Variants in EYS observed in about 807,000 individuals in gnomAD.
EYS encodes the protein protein eyes shut homolog.
A neutral mutation model predicts 282.1 loss-of-function variants in EYS; 250 were observed. That is an observed-to-expected ratio of 0.89 (90% CI 0.80 to 0.98). EYS has a LOEUF of 0.98. Ranked by LOEUF, EYS falls within the 50% of genes least tolerant of loss-of-function variation. The pLI is 0.00. For synonymous variants in EYS, 1,355 were observed against 1,282.9 expected (o/e 1.06, Z -1.20); for missense variants, 4,016 against 3,709.0 (o/e 1.08, Z -2.15).
At chr6:64,091,162 G>T (rs1040839080) in intron 31 of EYS, among the ~76,000 whole-genome samples, 1 of 152,086 alleles carries the variant, frequency 6.6e-6, no homozygotes, top group Non-Finnish European at 1.5e-5. Flanking sequence ...ATACATTAAT[G>T]ATTCCATTAA....
chr6:63,749,955 A>G (rs1385563708), intron 41 of EYS, among the ~76,000 whole-genome samples: 3 of 152,132 alleles, frequency 2.0e-5, no homozygotes, highest in Non-Finnish European at 4.4e-5. Context: ...CTGGTTGGCC[A>G]TCTTGCCCAA....
intron 12 of EYS, among the ~76,000 whole-genome samples, chr6:65,144,817 T>C (rs1322949524): frequency 6.6e-6 from 1 of 151,572 alleles, no homozygotes; most frequent in African/African-American, 2.4e-5. Flanking sequence ...CTGGATGGAG[T>C]GCAGTGGTGC....
intron 1 of EYS, among the ~76,000 whole-genome samples, chr6:65,702,205 CT>C (rs1330008051): frequency 7.2e-6 from 1 of 138,294 alleles, no homozygotes; most frequent in Admixed American, 6.9e-5. Flanking sequence ...ATAAAAGAAT[CT>C]TTTTTTCTCA....
At chr6:64,585,282 A>G (rs1449565620) in intron 26 of EYS, among the ~76,000 whole-genome samples, 1 of 152,110 alleles carries the variant, frequency 6.6e-6, no homozygotes, top group African/African-American at 2.4e-5. Context: ...ACCTATGGAC[A>G]TAAACATAGG....
chr6:65,482,348 C>T (rs1765638586), intron 5 of EYS, among the ~76,000 whole-genome samples: 1 of 152,098 alleles, frequency 6.6e-6, no homozygotes, highest in South Asian at 2.1e-4. Flanking sequence ...TGCTTATCAG[C>T]TCATGTGACT....
At chr6:65,006,943 G>A (rs1052191766) in intron 13 of EYS, among the ~76,000 whole-genome samples, 5 of 152,170 alleles carry the variant, frequency 3.3e-5, no homozygotes, top group African/African-American at 1.2e-4. Context: ...CATAAGAACT[G>A]TTGTTTACAA....
intron 31 of EYS, among the ~76,000 whole-genome samples, chr6:64,195,638 T>C (rs1174059238): frequency 6.6e-6 from 1 of 152,208 alleles, no homozygotes; most frequent in African/African-American, 2.4e-5. Flanking sequence ...TATTTGTCTT[T>C]TTCATTCTAT....
intron 7 of EYS, among the ~76,000 whole-genome samples, chr6:65,400,485 A>T (rs1012919493): frequency 5.9e-5 from 9 of 151,722 alleles, no homozygotes; most frequent in African/African-American, 1.5e-4. Context: ...GATACTTTAC[A>T]ACTCCTTCTG....
intron 35 of EYS, among the ~76,000 whole-genome samples, chr6:63,893,466 C>A (rs1183804339): frequency 6.6e-6 from 1 of 152,090 alleles, no homozygotes; most frequent in African/African-American, 2.4e-5. Context: ...TCTTAGCAAA[C>A]TAACACAGGA....
intron 40 of EYS, among the ~76,000 whole-genome samples, chr6:63,777,374 C>T (rs1770091448): frequency 6.6e-6 from 1 of 152,092 alleles, no homozygotes; most frequent in African/African-American, 2.4e-5. Context: ...TGACAAATCT[C>T]TCTTTAGCTG....
chr6:64,453,939 T>A (rs1466539265), intron 26 of EYS, among the ~76,000 whole-genome samples: 30 of 152,064 alleles, frequency 2.0e-4, no homozygotes, highest in African/African-American at 7.2e-4. Context: ...GCACACCAAC[T>A]TGGCACATAT....
chr6:64,160,496 A>C (rs190763391), intron 31 of EYS, among the ~76,000 whole-genome samples: 112 of 152,342 alleles, frequency 7.4e-4, no homozygotes, highest in Non-Finnish European at 1.4e-3. Context: ...CTTTGTGCAT[A>C]AATCTAGCCT....
chr6:65,477,759 T>C (rs944414282), intron 5 of EYS, among the ~76,000 whole-genome samples: 2 of 152,176 alleles, frequency 1.3e-5, no homozygotes, highest in African/African-American at 4.8e-5. Context: ...TGGCCATTTG[T>C]AGCAAATCAT....
chr6:64,385,370 AT>A (rs1439604113), intron 29 of EYS, among the ~76,000 whole-genome samples: 1 of 152,222 alleles, frequency 6.6e-6, no homozygotes, highest in African/African-American at 2.4e-5. Context: ...ATAAAAAAGA[AT>A]AAAAAATCAA....
chr6:64,139,501 T>C (rs1247831098), intron 31 of EYS, among the ~76,000 whole-genome samples: 2 of 152,172 alleles, frequency 1.3e-5, no homozygotes, highest in Admixed American at 1.3e-4. Context: ...TAGTAAGTTA[T>C]AGTCAGAAAG....
chr6:64,453,450 G>A (rs1483274424), intron 26 of EYS, among the ~76,000 whole-genome samples: 5 of 152,136 alleles, frequency 3.3e-5, no homozygotes, highest in Non-Finnish European at 5.9e-5. Context: ...TCAGTGTGGC[G>A]ATTCCTCAGG....
chr6:64,142,391 C>G (rs1774365950), intron 31 of EYS, among the ~76,000 whole-genome samples: 1 of 151,898 alleles, frequency 6.6e-6, no homozygotes, highest in Non-Finnish European at 1.5e-5. Flanking sequence ...AAAAGTGCTA[C>G]AAGACCAGCC....
rs140812799 is a variant in EYS at position 65,511,296 on chromosome 6, G to T, written c.-332-15303C>A. 5.7e-3 allele frequency among the ~76,000 whole-genome samples: 866 copies of T among 151,980 alleles called. 14 individuals carry two copies. Among genetic ancestry groups the T allele is most frequent in the African/African-American group, 0.02 (821 of 41,452 alleles). On this transcript the variant is annotated intron_variant, in intron 2 of 42. Transcript: ENST00000503581. Reference sequence around the variant, plus strand: ...GTAAATAATTCTATTTTAAACCAGAGAAAATTATTAATTAACACTATTAAC... The same window carrying T: ...GTAAATAATTCTATTTTAAACCAGATAAAATTATTAATTAACACTATTAAC...
chr6:64,263,245 C>T (rs2150354016), intron 30 of EYS, among the ~76,000 whole-genome samples: 1 of 152,168 alleles, frequency 6.6e-6, no homozygotes, highest in East Asian at 1.9e-4. Context: ...TCTGGGGACG[C>T]TTCTGAAAGT....
Sources: gnomAD v4.1 joint callset for allele counts (sites outside exome capture counted in the v4.1 genomes callset) on GRCh38, gnomAD v4.1.1 for gene constraint, MANE v1.5 for transcripts, NCBI Gene and HGNC (gene_info 2026-07-23, HGNC 2026-07-21) for gene names.